The following ASPH variants were observed in gnomAD, a reference collection of about 807,000 sequenced individuals.
The protein encoded by ASPH is aspartate beta-hydroxylase.
ASPH carries 100 observed loss-of-function variants against 118.4 expected under a neutral mutation model. The observed-to-expected ratio is 0.84, with a 90% confidence interval of 0.72 to 1.00. The LOEUF is 1.00. Among genes scored for constraint, ASPH ranks in the 50% least tolerant of loss-of-function variants. The probability of loss-of-function intolerance (pLI) is 0.00; values close to 1 mark genes in which losing one functional copy is unlikely to be tolerated. For missense variants in ASPH, 920 were observed against 919.5 expected (o/e 1.00, Z -0.01); for synonymous variants, 315 against 325.6 (o/e 0.97, Z 0.35).
At chr8:61,624,295 C>A (rs1054844015) in intron 13 of ASPH, 6 of 985,248 alleles carry the variant, frequency 6.1e-6, no homozygotes, top group Admixed American at 6.2e-5. Flanking sequence ...AGGACAAAAT[C>A]TACAAAGGAT....
chr8:61,593,271 C>T (rs1427992442), intron 14 of ASPH, among the ~76,000 whole-genome samples: 3 of 152,108 alleles, frequency 2.0e-5, no homozygotes, highest in Admixed American at 6.6e-5. Context: ...ATAGCCCCTT[C>T]TGAGGCTTTT....
At chr8:61,519,521 C>T (rs770293102) in intron 22 of ASPH, among the ~76,000 whole-genome samples, 1 of 152,198 alleles carries the variant, frequency 6.6e-6, no homozygotes, top group Non-Finnish European at 1.5e-5. Flanking sequence ...GATGTCCATA[C>T]CCTCATCCCA....
intron 20 of ASPH, among the ~76,000 whole-genome samples, chr8:61,548,970 C>T (rs1824894579): frequency 6.6e-6 from 1 of 152,140 alleles, no homozygotes; most frequent in African/African-American, 2.4e-5. Context: ...GATGCCCTCA[C>T]CATATGCTCT....
chr8:61,590,234 G>A (rs1840688634), intron 14 of ASPH, among the ~76,000 whole-genome samples: 1 of 152,118 alleles, frequency 6.6e-6, no homozygotes, highest in South Asian at 2.1e-4. Flanking sequence ...CCCCGTGTCT[G>A]AAGAAGGAAC....
chr8:61,554,248 G>A (rs1412480968), intron 19 of ASPH, among the ~76,000 whole-genome samples: 4 of 152,256 alleles, frequency 2.6e-5, no homozygotes, highest in Non-Finnish European at 4.4e-5. Context: ...GCTTGTCTGT[G>A]TGCAGGGAAG....
chr8:61,653,547 C>T (rs1253503061), intron 4 of ASPH, 21 bp downstream of exon 4: 11 of 1,610,512 alleles, frequency 6.8e-6, no homozygotes, highest in African/African-American at 2.7e-5. Flanking sequence ...GGGCGAGACT[C>T]GAGGATGAGG....
Position 61,638,337 on chromosome 8 carries a change from C to A in ASPH, c.817G>T (p.Gly273Trp). ...AAAAACTTACCTGTGATTTCTATCC[C>A]TTCATTTTCTAGAGGTTCATATACT... ...QAVYEPLENE[G>W]IEITEVTAPP... Residue 273 changes from glycine (G) to tryptophan (W), a missense_variant, in exon 11 of 25, where the codon GGG becomes TGG. Gly to Trp is a radical substitution (Grantham distance 184). Transcript: ENST00000379454. 6.3e-7 allele frequency: 1 copy of A among 1,596,528 alleles called. No homozygotes were observed. Among genetic ancestry groups the A allele is most frequent in the Non-Finnish European group, 8.5e-7 (1 of 1,174,294 alleles).
chr8:61,698,888 C>A (rs1466135365), intron 1 of ASPH, among the ~76,000 whole-genome samples: 3 of 152,174 alleles, frequency 2.0e-5, no homozygotes, highest in Non-Finnish European at 4.4e-5. Context: ...GTAATAAACA[C>A]CAACAATGGC....
chr8:61,714,142 G>A, intron 1 of ASPH, 127 bp downstream of exon 1: 2 of 1,255,480 alleles, frequency 1.6e-6, no homozygotes, highest in South Asian at 2.7e-5. Flanking sequence ...CCTAAAGGAG[G>A]AGCGTCGCGG....
intron 24 of ASPH, among the ~76,000 whole-genome samples, chr8:61,505,202 G>A (rs976359756): frequency 1.3e-5 from 2 of 152,158 alleles, no homozygotes; most frequent in African/African-American, 4.8e-5. Context: ...CACCAGGTAA[G>A]AAGTGCCTTT....
chr8:61,566,205 C>A (rs1395464229), intron 17 of ASPH, among the ~76,000 whole-genome samples: 8 of 152,222 alleles, frequency 5.3e-5, no homozygotes, highest in Non-Finnish European at 1.0e-4. Context: ...TAAAAACTAA[C>A]AGGAGTTTGG....
intron 10 of ASPH, among the ~76,000 whole-genome samples, chr8:61,641,071 T>G (rs1195639992): frequency 2.0e-5 from 3 of 152,236 alleles, no homozygotes; most frequent in Non-Finnish European, 4.4e-5. Context: ...ACTGTTCAAT[T>G]AGATCTATTT....
At chr8:61,663,463 A>G in intron 3 of ASPH, 12 of 985,444 alleles carry the variant, frequency 1.2e-5, no homozygotes, top group Non-Finnish European at 1.4e-5. Flanking sequence ...TAGCATCTCC[A>G]AATAGAATAA....
At chr8:61,663,846 T>C (rs1169367728) in intron 3 of ASPH, 1 of 979,768 alleles carries the variant, frequency 1.0e-6, no homozygotes, top group Non-Finnish European at 1.2e-6. Context: ...TGACTTTAAA[T>C]AGTAAAAGGC....
At chr8:61,617,322 CCAAGAGAATGTATCCAG>C in intron 14 of ASPH, among the ~76,000 whole-genome samples, 1 of 152,092 alleles carries the variant, frequency 6.6e-6, no homozygotes, top group Non-Finnish European at 1.5e-5. Context: ...AGGAGAAAGA[CCAAGAGAATGTATCCAG>C]CAAGCCATGT....
At chr8:61,644,081 T>G in intron 7 of ASPH, 80 bp from the exon 8 acceptor site, 1 of 1,103,452 alleles carries the variant, frequency 9.1e-7, no homozygotes, top group Non-Finnish European at 1.3e-6. Flanking sequence ...AGACACAATT[T>G]CTAGTTATGA....
intron 10 of ASPH, among the ~76,000 whole-genome samples, chr8:61,639,356 A>AC (rs1191768627): frequency 2.0e-5 from 3 of 151,712 alleles, no homozygotes; most frequent in Admixed American, 6.6e-5. Flanking sequence ...TCAGACCCTG[A>AC]CCCCATCCCT....
chr8:61,609,789 G>A (rs1014478560), intron 14 of ASPH, among the ~76,000 whole-genome samples: 9 of 152,084 alleles, frequency 5.9e-5, no homozygotes, highest in African/African-American at 2.2e-4. Context: ...TCAGACTAAG[G>A]TAATTTTCAG....
intron 1 of ASPH, among the ~76,000 whole-genome samples, chr8:61,690,747 T>G (rs1319254356): frequency 6.6e-6 from 1 of 152,194 alleles, no homozygotes; most frequent in Non-Finnish European, 1.5e-5. Flanking sequence ...TTTAAAAGCT[T>G]TGAATACTAC....
Sources: gnomAD v4.1 joint callset for allele counts (sites outside exome capture counted in the v4.1 genomes callset) on GRCh38, gnomAD v4.1.1 for gene constraint, MANE v1.5 for transcripts, NCBI Gene and HGNC (gene_info 2026-07-23, HGNC 2026-07-21) for gene names.